The following TAFA4 variants were observed in gnomAD, a reference collection of about 807,000 sequenced individuals.
TAFA4 encodes the protein chemokine-like protein TAFA-4.
A neutral mutation model predicts 21.1 loss-of-function variants in TAFA4; 20 were observed. That is an observed-to-expected ratio of 0.95 (90% CI 0.67 to 1.38). TAFA4 has a LOEUF of 1.38. Ranked by LOEUF, TAFA4 falls within the 40% of genes most tolerant of loss-of-function variation. The probability of loss-of-function intolerance (pLI) is 0.00; values close to 1 mark genes in which losing one functional copy is unlikely to be tolerated. For missense variants in TAFA4, 211 were observed against 180.9 expected (o/e 1.17, Z -0.95); for synonymous variants, 71 against 67.4 (o/e 1.05, Z -0.26).
intron 3 of TAFA4, among the ~76,000 whole-genome samples, chr3:68,862,291 G>A (rs1290300025): frequency 1.3e-5 from 2 of 152,068 alleles, no homozygotes; most frequent in Non-Finnish European, 2.9e-5. Context: ...CATATTGTAA[G>A]TGCATAAAAC....
chr3:68,905,105 C>T (rs2089886103), intron 1 of TAFA4, among the ~76,000 whole-genome samples: 1 of 151,726 alleles, frequency 6.6e-6, no homozygotes, highest in African/African-American at 2.4e-5. Context: ...ACACTACCTC[C>T]AGACACTGGG....
At chr3:68,887,778 C>T (rs1030352224) in intron 1 of TAFA4, among the ~76,000 whole-genome samples, 8 of 152,090 alleles carry the variant, frequency 5.3e-5, no homozygotes, top group African/African-American at 1.9e-4. Context: ...CCCACAGGTA[C>T]CCCTCTTGAA....
At chr3:68,835,436 G>A (rs932548769) in intron 3 of TAFA4, among the ~76,000 whole-genome samples, 1 of 152,206 alleles carries the variant, frequency 6.6e-6, no homozygotes, top group Non-Finnish European at 1.5e-5. Flanking sequence ...ATGAATGAAC[G>A]ACGTAGAAGT....
chr3:68,812,626 T>G (rs1189680401), intron 3 of TAFA4, among the ~76,000 whole-genome samples: 1 of 152,188 alleles, frequency 6.6e-6, no homozygotes, highest in Non-Finnish European at 1.5e-5. Flanking sequence ...AAGAGCTAAC[T>G]ATCCTAAATA....
intron 4 of TAFA4, among the ~76,000 whole-genome samples, 187 bp downstream of exon 4, chr3:68,752,676 G>C (rs1300713015): frequency 6.6e-6 from 1 of 152,166 alleles, no homozygotes; most frequent in Non-Finnish European, 1.5e-5. Flanking sequence ...CCCCTTGTGG[G>C]ACATTATTGA....
intron 3 of TAFA4, among the ~76,000 whole-genome samples, chr3:68,870,819 G>A (rs2089473117): frequency 1.3e-5 from 2 of 151,908 alleles, no homozygotes; most frequent in Admixed American, 6.6e-5. Context: ...CCACTTATGA[G>A]TGAGAACATG....
rs183886628 is a variant in TAFA4 at position 68,846,727 on chromosome 3, G to A, written c.130+34003C>T. Among the ~76,000 whole-genome samples the A allele has an allele frequency of 4.6e-5, 7 of 152,236 alleles. No homozygotes were observed. The East Asian group carries it at 1.4e-3, about 30-fold the overall frequency. On this transcript the variant is annotated intron_variant, in intron 3 of 5. Transcript: ENST00000295569. ...CTGTGTGGATGTCCTTTTTGTTGAT[G>A]TTGATGCTATTGCTTTGTTTGCTAG...
chr3:68,928,634 G>C (rs1159445214), intron 1 of TAFA4, among the ~76,000 whole-genome samples: 1 of 152,120 alleles, frequency 6.6e-6, no homozygotes, highest in Admixed American at 6.5e-5. Context: ...AGTAACCCAA[G>C]CTAGCTGGTG....
intron 3 of TAFA4, among the ~76,000 whole-genome samples, chr3:68,860,028 C>T (rs1424722612): frequency 6.6e-6 from 1 of 152,070 alleles, no homozygotes; most frequent in Non-Finnish European, 1.5e-5. Flanking sequence ...GGCCTTAGGA[C>T]CTAAGGTCCC....
intron 2 of TAFA4, among the ~76,000 whole-genome samples, chr3:68,884,338 G>A (rs554800170): frequency 1.2e-4 from 19 of 152,242 alleles, no homozygotes; most frequent in East Asian, 5.8e-4. Flanking sequence ...ATTTCTCCCC[G>A]CCTTCTCTGT....
chr3:68,844,953 TAG>T (rs2106899954), intron 3 of TAFA4, among the ~76,000 whole-genome samples: 1 of 152,368 alleles, frequency 6.6e-6, no homozygotes, highest in East Asian at 1.9e-4. Flanking sequence ...TGATCAATTT[TAG>T]AATAAGTGCA....
intron 3 of TAFA4, among the ~76,000 whole-genome samples, chr3:68,765,381 T>C (rs530242745): frequency 1.0e-3 from 156 of 152,330 alleles, no homozygotes; most frequent in Non-Finnish European, 1.5e-3. Context: ...TGTTCTATTT[T>C]AGCCCTAAGT....
At chr3:68,775,158 C>G (rs11922593) in intron 3 of TAFA4, among the ~76,000 whole-genome samples, 19,460 of 152,114 alleles carry the variant, frequency 0.13, 1,692 homozygotes, top group East Asian at 0.31. Flanking sequence ...TTTGTTAAAG[C>G]CCTTATGTGA....
chr3:68,846,632 G>T (rs1704805935), intron 3 of TAFA4, among the ~76,000 whole-genome samples: 1 of 152,014 alleles, frequency 6.6e-6, no homozygotes, highest in African/African-American at 2.4e-5. Context: ...TTTTTGCACT[G>T]GTTTTTTCCT....
At position 68,871,398 on chromosome 3, in the gene TAFA4, C is replaced by T. The variant is rs367848542; in HGVS notation, c.130+9332G>A. On this transcript the variant is annotated intron_variant, in intron 3 of 5. Coordinates refer to ENST00000295569, the MANE Select transcript of TAFA4 (RefSeq NM_182522.5). ...CATATGCAGAAGAACAAAGCTAGAC[C>T]CCTATCGCTCACTATATACAAAAAT... 2.6e-5 allele frequency among the ~76,000 whole-genome samples: 4 copies of T among 151,750 alleles called. No individual in the cohort carries two copies. In the East Asian group the frequency reaches 7.7e-4, roughly 29 times the overall value.
chr3:68,841,709 C>T (rs983847185), intron 3 of TAFA4, among the ~76,000 whole-genome samples: 6 of 152,086 alleles, frequency 3.9e-5, no homozygotes, highest in Non-Finnish European at 8.8e-5. Flanking sequence ...CCCCAACCCC[C>T]TGACAGGCCC....
At chr3:68,925,260 G>A (rs1210755550) in intron 1 of TAFA4, among the ~76,000 whole-genome samples, 2 of 152,112 alleles carry the variant, frequency 1.3e-5, no homozygotes, top group African/African-American at 4.8e-5. Context: ...AAATATAGAT[G>A]AAGAAAGCTG....
At chr3:68,796,413 C>T (rs546749101) in intron 3 of TAFA4, among the ~76,000 whole-genome samples, 5 of 152,210 alleles carry the variant, frequency 3.3e-5, no homozygotes, top group African/African-American at 9.6e-5. Flanking sequence ...CACAGTGCAA[C>T]TATAAATATA....
intron 3 of TAFA4, among the ~76,000 whole-genome samples, chr3:68,759,007 A>C (rs2106763008): frequency 6.6e-6 from 1 of 152,326 alleles, no homozygotes; most frequent in South Asian, 2.1e-4. Context: ...TTTCAGTCCA[A>C]GTCCAAAGGC....
Sources: allele counts gnomAD v4.1 joint callset (sites outside exome capture counted in the v4.1 genomes callset), GRCh38; gene constraint gnomAD v4.1.1; transcripts MANE v1.5; gene names NCBI Gene and HGNC (gene_info 2026-07-23, HGNC 2026-07-21).